The following TGM3 variants were observed in gnomAD, a reference collection of about 807,000 sequenced individuals.
The protein encoded by TGM3 is transglutaminase 3.
In TGM3, 52 loss-of-function variants were observed where a neutral mutation model predicts 73.8. The ratio of observed to expected loss-of-function variants is 0.70; its 90% CI spans 0.56 to 0.89. The LOEUF (loss-of-function observed/expected upper bound fraction) is 0.89, where lower values mean the gene tolerates loss of function less well. TGM3 is among the 40% of genes least tolerant of loss of function. The pLI is 0.00. For synonymous variants in TGM3, 372 were observed against 354.9 expected, an observed-to-expected ratio of 1.05 and a Z score of -0.54; for missense variants, 928 against 909.9, an observed-to-expected ratio of 1.02 and a Z score of -0.26.
chr20:2,296,122 C>T (rs764031540), intron 1 of TGM3, 52 bp downstream of exon 1: 3 of 1,548,634 alleles, frequency 1.9e-6, no homozygotes, highest in Non-Finnish European at 2.6e-6. Flanking sequence ...CCTGTGCTTC[C>T]CCTGGGCCAG....
At chr20:2,327,981 G>A (rs902644178) in intron 8 of TGM3, 139 bp from the exon 9 acceptor site, 206 of 1,213,818 alleles carry the variant, frequency 1.7e-4, no homozygotes, top group Non-Finnish European at 2.3e-4. Flanking sequence ...CCAAATGAGT[G>A]GGACACACAG....
intron 1 of TGM3, among the ~76,000 whole-genome samples, chr20:2,301,723 C>T (rs1371575113): frequency 1.3e-5 from 2 of 151,036 alleles, no homozygotes; most frequent in Non-Finnish European, 3.0e-5. Flanking sequence ...TTTTTTGAGA[C>T]GGAGTCTCCC....
chr20:2,328,433 A>G lies in TGM3; in HGVS notation c.1333+68A>G. ...TGTGGGAGGATGGCTCTGAGGCTGG[A>G]GAGGAGAAAAGTCCTCACCTCCCCC... On this transcript the variant is annotated intron_variant, in intron 9 of 12. Transcript: ENST00000381458. The surrounding 1 kb of genome is among the most constrained non-coding windows in gnomAD (Gnocchi z 5.2). 6.3e-7 allele frequency: 1 copy of G among 1,589,364 alleles called. No individual in the cohort carries two copies.
At chr20:2,303,642 C>G (rs2084163545) in intron 1 of TGM3, among the ~76,000 whole-genome samples, 1 of 152,114 alleles carries the variant, frequency 6.6e-6, no homozygotes, top group East Asian at 1.9e-4. Context: ...TAAATTTACC[C>G]CATGGCCACC....
In TGM3 at chr20:2,340,482, C is replaced by T. The variant is rs1409409273; in HGVS notation, c.1983C>T (p.Ile661=). The T allele has an allele frequency of 1.2e-6, 2 of 1,613,980 alleles. No individual in the cohort carries two copies. Among genetic ancestry groups the T allele is most frequent in the African/African-American group, 1.3e-5 (1 of 74,930 alleles). Residue 661 remains isoleucine (I), a synonymous_variant, in exon 13 of 13, where the codon ATC becomes ATT. Coordinates refer to ENST00000381458, the MANE Select transcript of TGM3 (RefSeq NM_003245.4). ...AGGGGTCCCGGGTCCGTTTTGATATCCTGCCCTCCCGGAGTGGCACCAAGC... is the reference window on the plus strand; with the variant it reads ...AGGGGTCCCGGGTCCGTTTTGATATTCTGCCCTCCCGGAGTGGCACCAAGC... ...PKEGSRVRFD[I]LPSRSGTKQL... is the part of the protein sequence containing the mutation.
chr20:2,311,824 T>A (rs2084204951), intron 4 of TGM3, among the ~76,000 whole-genome samples: 1 of 150,328 alleles, frequency 6.7e-6, no homozygotes, highest in Admixed American at 6.6e-5. Flanking sequence ...AGAGAGGCTA[T>A]TTTTTTTTAT....
In TGM3 at chr20:2,332,293, C is replaced by G; in HGVS notation, c.1625C>G (p.Ser542Cys). 1.3e-6 allele frequency: 2 copies of G among 1,598,368 alleles called. No individual in the cohort carries two copies. The highest frequency in any genetic ancestry group is 1.7e-6 in the Non-Finnish European group (2 of 1,170,848). ...GTGTGGAAGGACTCTGCCACAATGTCCCTGGACCCTGAGGAAGGTAACGCA... is the reference window on the plus strand; with the variant it reads ...GTGTGGAAGGACTCTGCCACAATGTGCCTGGACCCTGAGGAAGGTAACGCA... ...HEVWKDSATM[S>C]LDPEEEAEHP... Residue 542 changes from serine to cysteine, a missense_variant, in exon 10 of 13, where the codon TCC (serine) becomes TGC (cysteine). Physicochemically the swap from Ser to Cys is moderately radical, Grantham distance 112 (BLOSUM62 -1). Transcript: ENST00000381458. The surrounding 1 kb of genome is among the most constrained non-coding windows in gnomAD (Gnocchi z 4.4).
chr20:2,311,812 G>A (rs2084204826), intron 4 of TGM3, among the ~76,000 whole-genome samples: 1 of 152,082 alleles, frequency 6.6e-6, no homozygotes, highest in Non-Finnish European at 1.5e-5. Context: ...CCTAGGAGTG[G>A]AAGAGAGGCT....
In TGM3 at chr20:2,310,357, G is replaced by A; in HGVS notation, c.361G>A (p.Gly121Ser). ...AATGGCCCTCCAGATCTTCTCCCAGGGCGGCATCTCCTCTGTGAAACTTGG... is the reference window on the plus strand; with the variant it reads ...AATGGCCCTCCAGATCTTCTCCCAGAGCGGCATCTCCTCTGTGAAACTTGG... ...YTMALQIFSQ[G>S]GISSVKLGTF... Residue 121 changes from glycine (G) to serine (S), a missense_variant, in exon 3 of 13, where the codon GGC becomes AGC. Transcript: ENST00000381458. The A allele has an allele frequency of 1.2e-6, 2 of 1,614,202 alleles. No individual in the cohort carries two copies. The highest frequency in any genetic ancestry group is 1.7e-5 in the Admixed American group (1 of 60,034).
chr20:2,311,267 T>C lies in TGM3; in HGVS notation c.540+138T>C, dbSNP rs1328169317. ...ATTTGTTCATGTATTCAGAAGACTT[T>C]CATTGGCCACCTATTATGTGTCAGA... On this transcript the variant is annotated intron_variant, in intron 4 of 12. Coordinates refer to ENST00000381458, the MANE Select transcript of TGM3 (RefSeq NM_003245.4). The C allele has an allele frequency of 4.3e-6, 3 of 702,104 alleles. No individual in the cohort carries two copies. The East Asian group carries it at 7.6e-5, about 18-fold the overall frequency. 43.5% of individuals were successfully genotyped at this position (702,104 alleles called of 1,614,324 possible). A position where few individuals can be genotyped will look rare whatever the true frequency, so the allele number is the denominator to read the frequency against.
intron 4 of TGM3, among the ~76,000 whole-genome samples, chr20:2,311,520 G>A (rs1600695806): frequency 6.6e-6 from 1 of 152,204 alleles, no homozygotes; most frequent in East Asian, 1.9e-4. Context: ...CTTCCTTAGT[G>A]TGCCCACTCA....
chr20:2,325,720 C>A, intron 7 of TGM3, 129 bp from the exon 8 acceptor site: 4 of 694,800 alleles, frequency 5.8e-6, no homozygotes, highest in Non-Finnish European at 1.0e-5. Flanking sequence ...TTAGCATAAC[C>A]GCCGTCACAG....
chr20:2,330,008 CAAACT>C (rs1181422967), intron 9 of TGM3, among the ~76,000 whole-genome samples: 2 of 151,638 alleles, frequency 1.3e-5, no homozygotes, highest in Non-Finnish European at 2.9e-5. Context: ...CTGTCTCAGC[CAAACT>C]TCCTAAACAA....
chr20:2,337,962 C>A (rs1414761994), intron 11 of TGM3, among the ~76,000 whole-genome samples: 2 of 152,148 alleles, frequency 1.3e-5, no homozygotes. Context: ...TTTTAAATGA[C>A]TCCTGATCTT....
rs925695667 is a variant in TGM3, at chr20:2,312,876, T to A, written c.541-22T>A. The A allele has an allele frequency of 3.1e-6, 5 of 1,613,648 alleles. No individual in the cohort carries two copies. In the Admixed American group the frequency reaches 8.3e-5, roughly 27 times the overall value. Reference sequence around the variant, plus strand: ...CTCCTTGTCATTTCTTTAATTGTAATGTATGGTCTCGTTCTGAACAGTTTG... The same window carrying A: ...CTCCTTGTCATTTCTTTAATTGTAAAGTATGGTCTCGTTCTGAACAGTTTG... On this transcript the variant is annotated intron_variant, in intron 4 of 12. Transcript: ENST00000381458.
chr20:2,325,552 CT>C (rs1351904089), intron 7 of TGM3, among the ~76,000 whole-genome samples: 1 of 152,224 alleles, frequency 6.6e-6, no homozygotes, highest in African/African-American at 2.4e-5. Flanking sequence ...AAGGCTTTGA[CT>C]TTTGAGTTAG....
chr20:2,296,425 C>T (rs371468786), intron 1 of TGM3, among the ~76,000 whole-genome samples: 3 of 152,130 alleles, frequency 2.0e-5, no homozygotes, highest in African/African-American at 7.2e-5. Flanking sequence ...AGACAGGACT[C>T]GGGTCTCGTG....
Position 2,327,336 on chromosome 20 carries a change from C to T in TGM3, c.1088-784C>T, listed in dbSNP as rs557068478. On this transcript the variant is annotated intron_variant, in intron 8 of 12. Coordinates refer to ENST00000381458, the MANE Select transcript of TGM3 (RefSeq NM_003245.4). ...TTACAAAAAAAAAAAATTAGCCGGG[C>T]GTGGTGGCGGGCGCCTGTAGTCCCA... Among the ~76,000 whole-genome samples, 23 of 151,774 alleles carry T rather than the reference C, an allele frequency of 1.5e-4. No individual in the cohort carries two copies. In the South Asian group the frequency reaches 4.0e-3, roughly 26 times the overall value.
Position 2,327,775 on chromosome 20 carries a change from C to T in TGM3, c.1088-345C>T, listed in dbSNP as rs45527335. 2.6e-4 allele frequency among the ~76,000 whole-genome samples: 39 copies of T among 152,244 alleles called. No homozygotes were observed. In the East Asian group the frequency reaches 7.3e-3, roughly 29 times the overall value. On this transcript the variant is annotated intron_variant, in intron 8 of 12. Coordinates refer to ENST00000381458, the MANE Select transcript of TGM3 (RefSeq NM_003245.4). ...ACTAGGAAGGTGATGAGCTTCTAGGCCAGAATGACTTGCAGAGGTAGAAAA... is the reference window on the plus strand; with the variant it reads ...ACTAGGAAGGTGATGAGCTTCTAGGTCAGAATGACTTGCAGAGGTAGAAAA...
Sources: allele counts gnomAD v4.1 joint callset (sites outside exome capture counted in the v4.1 genomes callset), GRCh38; gene constraint gnomAD v4.1.1; non-coding constraint Gnocchi (gnomAD v3.1); transcripts MANE v1.5; gene names NCBI Gene and HGNC (gene_info 2026-07-23, HGNC 2026-07-21).